Variants in BORCS5 observed in about 807,000 individuals in gnomAD.
BORCS5 encodes BLOC-1 related complex subunit 5, also known as BLOC-1-related complex subunit 5.
BORCS5 carries 17 observed loss-of-function variants against 22.1 expected under a neutral mutation model. The observed-to-expected ratio is 0.77, with a 90% confidence interval of 0.53 to 1.15. The LOEUF is 1.15. BORCS5 is among the 50% of genes most tolerant of loss of function. The pLI, the probability that BORCS5 is intolerant of heterozygous loss-of-function variation, is 0.00. For missense variants in BORCS5, 247 were observed against 253.2 expected (o/e 0.98, Z 0.17); for synonymous variants, 117 against 99.8 (o/e 1.17, Z -1.03).
intron 2 of BORCS5, among the ~76,000 whole-genome samples, chr12:12,420,629 T>C (rs563098947): frequency 2.1e-4 from 32 of 152,206 alleles, no homozygotes; most frequent in Non-Finnish European, 4.1e-4. Context: ...TATAAATTAC[T>C]TTGGGCAGTA....
intron 2 of BORCS5, among the ~76,000 whole-genome samples, chr12:12,363,538 A>G (rs1023396654): frequency 2.0e-5 from 3 of 152,246 alleles, no homozygotes; most frequent in African/African-American, 7.2e-5. Flanking sequence ...GATCGAGACC[A>G]TCCTGGCTAA....
In BORCS5 at chr12:12,357,252, C is replaced by T. The variant is rs1863160334; in HGVS notation, c.-200C>T. On this transcript the variant is annotated 5_prime_UTR_variant, in exon 1 of 4. Transcript: ENST00000314565. ...CGCCGCGCCTCCTTGCGTTTCTGTTCCCCAAATAGGGCCTCTCCTTCTCCC... is the reference window on the plus strand; with the variant it reads ...CGCCGCGCCTCCTTGCGTTTCTGTTTCCCAAATAGGGCCTCTCCTTCTCCC... The T allele has an allele frequency of 1.4e-6, 2 of 1,469,010 alleles. No homozygotes were observed. The highest frequency in any genetic ancestry group is 1.8e-6 in the Non-Finnish European group (2 of 1,112,976). The allele number at this position is 1,469,010 out of a possible 1,614,324, so 91.0% of individuals were successfully genotyped here.
intron 2 of BORCS5, among the ~76,000 whole-genome samples, chr12:12,412,244 A>G (rs564945582): frequency 1.3e-5 from 2 of 152,288 alleles, no homozygotes; most frequent in South Asian, 2.1e-4. Flanking sequence ...CTTCCAATCA[A>G]TGACTATGGG....
chr12:12,381,779 A>G (rs1863780052), intron 2 of BORCS5, among the ~76,000 whole-genome samples: 1 of 151,422 alleles, frequency 6.6e-6, no homozygotes, highest in Admixed American at 6.6e-5. Flanking sequence ...AGAGTTTTAT[A>G]TATGTCAGTT....
chr12:12,385,911 A>T (rs1007473507), intron 2 of BORCS5, among the ~76,000 whole-genome samples: 1 of 151,338 alleles, frequency 6.6e-6, no homozygotes, highest in African/African-American at 2.4e-5. Flanking sequence ...AATGGTATGA[A>T]TTATGTTCAG....
Position 12,423,438 on chromosome 12 carries a change from C to CTTT in BORCS5, c.203-12164_203-12162dup, listed in dbSNP as rs939681383. ...GTCTAGTATTAAGAAACTCCCTCAG[C>CTTT]TTTTTTTTTTTTTTTTTTTTTTTTT... On this transcript the variant is annotated intron_variant, in intron 2 of 3. Transcript: ENST00000314565. Among the ~76,000 whole-genome samples, 13 of 57,254 alleles carry CTTT rather than the reference C, an allele frequency of 2.3e-4. 1 individual carries two copies. Among genetic ancestry groups the CTTT allele is most frequent in the Non-Finnish European group, 3.0e-4 (9 of 29,982 alleles). The allele number at this position is 57,254 out of a possible 152,430, so 37.6% of individuals were successfully genotyped here. A position where few individuals can be genotyped will look rare whatever the true frequency, so the allele number is the denominator to read the frequency against.
At chr12:12,406,847 T>C (rs1400901214) in intron 2 of BORCS5, among the ~76,000 whole-genome samples, 14 of 152,168 alleles carry the variant, frequency 9.2e-5, no homozygotes, top group African/African-American at 3.1e-4. Flanking sequence ...AGCAAGCTCT[T>C]TTGGGAAGGA....
intron 2 of BORCS5, among the ~76,000 whole-genome samples, chr12:12,415,529 GGGAGACCGTGGAA>G (rs1179860414): frequency 2.6e-5 from 3 of 115,018 alleles, no homozygotes; most frequent in African/African-American, 3.6e-5. Context: ...CGGCATCAGA[GGGAGACCGTGGAA>G]GGAGACCGTG....
chr12:12,362,814 T>A (rs1490224445), intron 2 of BORCS5, among the ~76,000 whole-genome samples: 2 of 150,014 alleles, frequency 1.3e-5, no homozygotes, highest in Admixed American at 1.3e-4. Flanking sequence ...CTAAATGTTT[T>A]TATTATTATT....
chr12:12,362,490 T>G (rs957684172), intron 2 of BORCS5, among the ~76,000 whole-genome samples: 1 of 152,174 alleles, frequency 6.6e-6, no homozygotes, highest in Non-Finnish European at 1.5e-5. Context: ...TGTATACATA[T>G]GCTATGTTGG....
intron 2 of BORCS5, among the ~76,000 whole-genome samples, chr12:12,380,069 G>A (rs148440844): frequency 1.3e-5 from 2 of 151,376 alleles, no homozygotes; most frequent in South Asian, 2.1e-4. Flanking sequence ...TGATTGGTCC[G>A]TGAAGCAGTC....
At position 12,430,906 on chromosome 12, in the gene BORCS5, C is replaced by T. The variant is rs1401817592; in HGVS notation, c.203-4722C>T. On this transcript the variant is annotated intron_variant, in intron 2 of 3. Coordinates refer to ENST00000314565, the MANE Select transcript of BORCS5 (RefSeq NM_058169.6). ...TTTCCATGTAAGTACATAGAGAGCG[C>T]CCTCATTCTTTTCTTTGTTCATGTA... 2.0e-5 allele frequency among the ~76,000 whole-genome samples: 3 copies of T among 151,924 alleles called. No individual in the cohort carries two copies. The East Asian group carries it at 5.8e-4, about 29-fold the overall frequency.
chr12:12,427,460 G>A (rs1364037587), intron 2 of BORCS5, among the ~76,000 whole-genome samples: 5 of 152,130 alleles, frequency 3.3e-5, no homozygotes, highest in Admixed American at 3.3e-4. Context: ...GATTACAGGC[G>A]TGAGCCACCG....
At chr12:12,397,496 C>T (rs566762405) in intron 2 of BORCS5, among the ~76,000 whole-genome samples, 1 of 152,276 alleles carries the variant, frequency 6.6e-6, no homozygotes, top group East Asian at 1.9e-4. Flanking sequence ...TAATATTGTT[C>T]CCTGAAGGAA....
At chr12:12,416,788 T>A (rs1253552169) in intron 2 of BORCS5, among the ~76,000 whole-genome samples, 1 of 149,070 alleles carries the variant, frequency 6.7e-6, no homozygotes, top group Non-Finnish European at 1.5e-5. Flanking sequence ...ACTTTTTTTT[T>A]TTTTTTTTTT....
At chr12:12,463,639 C>T (rs1943150159) in intron 3 of BORCS5, among the ~76,000 whole-genome samples, 1 of 152,192 alleles carries the variant, frequency 6.6e-6, no homozygotes, top group African/African-American at 2.4e-5. Flanking sequence ...CACGCATGAA[C>T]AACCTGTTTG....
intron 3 of BORCS5, among the ~76,000 whole-genome samples, chr12:12,446,069 G>A (rs569644309): frequency 6.6e-6 from 1 of 152,100 alleles, no homozygotes; most frequent in Non-Finnish European, 1.5e-5. Context: ...TTACGCACAT[G>A]CCTTTACATG....
intron 2 of BORCS5, among the ~76,000 whole-genome samples, chr12:12,396,942 T>C (rs552539296): frequency 6.6e-6 from 1 of 152,340 alleles, no homozygotes; most frequent in Admixed American, 6.5e-5. Flanking sequence ...AGCAATTTTC[T>C]ATAATTACAA....
At chr12:12,419,219 G>A (rs1376144571) in intron 2 of BORCS5, among the ~76,000 whole-genome samples, 3 of 152,018 alleles carry the variant, frequency 2.0e-5, no homozygotes, top group South Asian at 2.1e-4. Context: ...GACAGGCCCC[G>A]GTGTATGATG....
Sources: gnomAD v4.1 joint callset for allele counts (sites outside exome capture counted in the v4.1 genomes callset) on GRCh38, gnomAD v4.1.1 for gene constraint, MANE v1.5 for transcripts, NCBI Gene and HGNC (gene_info 2026-07-23, HGNC 2026-07-21) for gene names.